The following IGF1R variants were observed in gnomAD, a reference collection of about 807,000 sequenced individuals.
The protein encoded by IGF1R is insulin like growth factor 1 receptor, also known as insulin-like growth factor 1 receptor.
A neutral mutation model predicts 144.6 loss-of-function variants in IGF1R; 44 were observed. That is an observed-to-expected ratio of 0.30 (90% confidence interval 0.24 to 0.39). IGF1R has a LOEUF of 0.39. Ranked by LOEUF, IGF1R falls within the 10% of genes least tolerant of loss-of-function variation. The pLI is 1.00. For synonymous variants in IGF1R, 795 were observed against 722.8 expected (o/e 1.10, Z -1.60); for missense variants, 1,355 against 1,833.7 (o/e 0.74, Z 4.77).
rs189853951 is a variant in IGF1R, at chr15:98,825,262, A to G, written c.641-66063A>G. Among the ~76,000 whole-genome samples the G allele has an allele frequency of 3.8e-3, 574 of 152,360 alleles. 3 individuals are homozygous for G. The highest frequency in any genetic ancestry group is 0.013 in the African/African-American group (533 of 41,570). On this transcript the variant is annotated intron_variant, in intron 2 of 20. Transcript: ENST00000650285. Reference sequence around the variant, plus strand: ...TTCCCTGAGAAAACTGGTACCTCCCAACAGATACCAAAATCTGGGACCACC... The same window carrying G: ...TTCCCTGAGAAAACTGGTACCTCCCGACAGATACCAAAATCTGGGACCACC...
chr15:98,807,738 C>T (rs1012372580), intron 2 of IGF1R, among the ~76,000 whole-genome samples: 1 of 152,226 alleles, frequency 6.6e-6, no homozygotes, highest in African/African-American at 2.4e-5. Context: ...ATGTGGAAGC[C>T]ACTTCACTTT....
rs561911578 is a variant in IGF1R at position 98,963,231 on chromosome 15, T to A, written c.*5789T>A. 9.9e-5 allele frequency: 19 copies of A among 191,936 alleles called. No individual in the cohort carries two copies. Among genetic ancestry groups the A allele is most frequent in the Middle Eastern group, 3.0e-3 (2 of 664 alleles). The allele number at this position is 191,936 out of a possible 1,614,324, so 11.9% of individuals were successfully genotyped here. On this transcript the variant is annotated 3_prime_UTR_variant, in exon 21 of 21. Coordinates refer to ENST00000650285, the MANE Select transcript of IGF1R (RefSeq NM_000875.5). ...GTGATCCATTTTTTTTTTTTTTTTT[T>A]AGGACACCTGTTTACTAGCTAGCTT...
At chr15:98,726,294 C>T (rs377741491) in intron 2 of IGF1R, among the ~76,000 whole-genome samples, 1 of 152,336 alleles carries the variant, frequency 6.6e-6, no homozygotes, top group East Asian at 1.9e-4. Context: ...ACTCTCCCAT[C>T]GTAGCTCACC....
intron 2 of IGF1R, among the ~76,000 whole-genome samples, chr15:98,853,137 CTG>C (rs766124402): frequency 4.6e-5 from 7 of 152,130 alleles, no homozygotes; most frequent in Non-Finnish European, 1.0e-4. Context: ...ATTTTAAATT[CTG>C]TGTTTTATTC....
intron 13 of IGF1R, among the ~76,000 whole-genome samples, chr15:98,927,262 C>G (rs1156439581): frequency 6.6e-6 from 1 of 152,180 alleles, no homozygotes; most frequent in African/African-American, 2.4e-5. Context: ...AGACTCTGTC[C>G]TGCTACAGTT....
At chr15:98,929,317 ATACTG>A (rs1481537009) in intron 13 of IGF1R, among the ~76,000 whole-genome samples, 1 of 152,194 alleles carries the variant, frequency 6.6e-6, no homozygotes, top group Non-Finnish European at 1.5e-5. Context: ...GCACCAGAAT[ATACTG>A]TACTTTAAAA....
chr15:98,852,323 G>A (rs1310023243), intron 2 of IGF1R, among the ~76,000 whole-genome samples: 1 of 152,146 alleles, frequency 6.6e-6, no homozygotes, highest in Non-Finnish European at 1.5e-5. Context: ...CGCCCCGGGT[G>A]AGGGAAGAGG....
At chr15:98,816,059 G>A (rs1286610746) in intron 2 of IGF1R, among the ~76,000 whole-genome samples, 2 of 152,126 alleles carry the variant, frequency 1.3e-5, no homozygotes, top group Non-Finnish European at 2.9e-5. Context: ...GCCATTTTGT[G>A]ATCTGCCCTT....
chr15:98,854,653 A>C (rs1447527527), intron 2 of IGF1R, among the ~76,000 whole-genome samples: 1 of 152,146 alleles, frequency 6.6e-6, no homozygotes, highest in Admixed American at 6.5e-5. Context: ...ACGTCTGAAC[A>C]ACCAAAGCAT....
intron 2 of IGF1R, among the ~76,000 whole-genome samples, chr15:98,846,670 T>A (rs2011340306): frequency 1.3e-5 from 2 of 152,228 alleles, no homozygotes; most frequent in South Asian, 4.1e-4. Context: ...AGGGCAGTAC[T>A]GCCAGACTCA....
At chr15:98,903,910 A>G (rs541526529) in intron 5 of IGF1R, among the ~76,000 whole-genome samples, 1 of 152,204 alleles carries the variant, frequency 6.6e-6, no homozygotes, top group Admixed American at 6.5e-5. Flanking sequence ...CAGACCAGGG[A>G]TGGCTGCAAG....
intron 1 of IGF1R, among the ~76,000 whole-genome samples, chr15:98,664,374 C>T (rs1318183939): frequency 6.6e-6 from 1 of 152,068 alleles, no homozygotes; most frequent in East Asian, 1.9e-4. Flanking sequence ...AAGATAATGC[C>T]ACCCATCAGG....
At chr15:98,875,340 TTTTCTTTTC>T (rs1179534220) in intron 2 of IGF1R, among the ~76,000 whole-genome samples, 253 of 137,890 alleles carry the variant, frequency 1.8e-3, no homozygotes, top group African/African-American at 5.4e-3. Flanking sequence ...CTTTCTTTTC[TTTTCTTTTC>T]TTTTTTTTTT....
chr15:98,828,817 T>C (rs1194618218), intron 2 of IGF1R, among the ~76,000 whole-genome samples: 1 of 151,888 alleles, frequency 6.6e-6, no homozygotes, highest in Non-Finnish European at 1.5e-5. Context: ...TTTTGGGTTT[T>C]TTAAGCCTAG....
At chr15:98,820,202 C>CATATATATATATAT (rs3076066) in intron 2 of IGF1R, among the ~76,000 whole-genome samples, 3 of 149,368 alleles carry the variant, frequency 2.0e-5, no homozygotes, top group Non-Finnish European at 4.5e-5. Context: ...ATGCTATTTT[C>CATATATATATATAT]ATATATATAT....
chr15:98,663,857 G>A (rs1040401729), intron 1 of IGF1R, among the ~76,000 whole-genome samples: 1 of 152,224 alleles, frequency 6.6e-6, no homozygotes, highest in Admixed American at 6.5e-5. Flanking sequence ...AAAGAGGGGT[G>A]CCAGCTTCAC....
chr15:98,702,652 T>A (rs1056692513), intron 1 of IGF1R, among the ~76,000 whole-genome samples: 1 of 152,284 alleles, frequency 6.6e-6, no homozygotes, highest in Admixed American at 6.5e-5. Flanking sequence ...TAAAATGGCA[T>A]CTTTTGGCCA....
intron 2 of IGF1R, among the ~76,000 whole-genome samples, chr15:98,852,175 A>G (rs2011554563): frequency 6.6e-6 from 1 of 152,240 alleles, no homozygotes; most frequent in Admixed American, 6.5e-5. Flanking sequence ...CAGAACAAAA[A>G]TGATGTGAAG....
intron 18 of IGF1R, among the ~76,000 whole-genome samples, chr15:98,939,858 C>G (rs1213300055): frequency 6.6e-6 from 1 of 152,208 alleles, no homozygotes; most frequent in East Asian, 1.9e-4. Context: ...GCATGGCAGT[C>G]CCTTAGGTGA....
Sources: allele counts gnomAD v4.1 joint callset (sites outside exome capture counted in the v4.1 genomes callset), GRCh38; gene constraint gnomAD v4.1.1; transcripts MANE v1.5; gene names NCBI Gene and HGNC (gene_info 2026-07-23, HGNC 2026-07-21).